MTUS1: variants seen among roughly 807,000 people sequenced by gnomAD.
MTUS1 encodes the protein microtubule associated scaffold protein 1.
In MTUS1, 109 loss-of-function variants were observed where a neutral mutation model predicts 120.8. That is an observed-to-expected ratio of 0.90 (90% CI 0.77 to 1.06). The LOEUF is 1.06. MTUS1 is among the 50% of genes least tolerant of loss of function. MTUS1 has a pLI of 0.00. For missense variants in MTUS1, 2,210 were observed against 1,486.3 expected (o/e 1.49, Z -8.01); for synonymous variants, 737 against 550.5 (o/e 1.34, Z -4.74).
At position 17,691,732 on chromosome 8, in the gene MTUS1, T is replaced by C. The variant is rs146265980; in HGVS notation, c.2624-7190A>G. Among the ~76,000 whole-genome samples the C allele has an allele frequency of 1.6e-3, 244 of 152,334 alleles. 5 individuals carry two copies. Among genetic ancestry groups the C allele is most frequent in the Admixed American group, 0.014 (207 of 15,300 alleles). ...TTTTTTTAATGGAAGCTTTCTAATATGGCTTCATTGACGTCTACATTTTGT... is the reference window on the plus strand; with the variant it reads ...TTTTTTTAATGGAAGCTTTCTAATACGGCTTCATTGACGTCTACATTTTGT... On this transcript the variant is annotated intron_variant, in intron 6 of 14. Transcript: ENST00000693296.
At chr8:17,679,491 A>T (rs1282826576) in intron 7 of MTUS1, among the ~76,000 whole-genome samples, 1 of 93,880 alleles carries the variant, frequency 1.1e-5, no homozygotes, top group African/African-American at 3.3e-5. Flanking sequence ...TTTTTATTTT[A>T]TTTATTTATT....
At chr8:17,685,217 G>GT (rs76630516) in intron 6 of MTUS1, among the ~76,000 whole-genome samples, 9,196 of 151,428 alleles carry the variant, frequency 0.061, 488 homozygotes, top group East Asian at 0.24. Context: ...GGCTTACACA[G>GT]TTTTTTTTTA....
chr8:17,734,089 C>G (rs2131196485), intron 3 of MTUS1: 1 of 152,218 alleles, frequency 6.6e-6, no homozygotes, highest in South Asian at 2.1e-4. Context: ...ATTATAAGAA[C>G]AAATGTGATG....
At chr8:17,790,314 C>T (rs1323516689) in intron 1 of MTUS1, among the ~76,000 whole-genome samples, 1 of 149,682 alleles carries the variant, frequency 6.7e-6, no homozygotes, top group Non-Finnish European at 1.5e-5. Flanking sequence ...AGCCATTGCA[C>T]TCCAGCCTGG....
intron 2 of MTUS1, among the ~76,000 whole-genome samples, chr8:17,750,713 A>C (rs1402075652): frequency 6.6e-6 from 1 of 152,202 alleles, no homozygotes; most frequent in Non-Finnish European, 1.5e-5. Flanking sequence ...ATTAAATGGC[A>C]TAATATAACT....
chr8:17,657,569 A>T (rs1397420113), intron 8 of MTUS1, among the ~76,000 whole-genome samples: 1 of 149,272 alleles, frequency 6.7e-6, no homozygotes, highest in East Asian at 1.9e-4. Flanking sequence ...CTCCGTCTCA[A>T]AAAAAAAAAG....
At chr8:17,668,414 T>C (rs1229940013) in intron 8 of MTUS1, among the ~76,000 whole-genome samples, 2 of 152,188 alleles carry the variant, frequency 1.3e-5, no homozygotes, top group African/African-American at 4.8e-5. Flanking sequence ...TGGCCCTCTA[T>C]TGCACCAGCT....
rs202148873 is a variant in MTUS1, at chr8:17,645,955, A to G, written c.3784T>C (p.Phe1262Leu). The G allele has an allele frequency of 1.7e-4, 276 of 1,612,490 alleles. No homozygotes were observed. Among genetic ancestry groups the G allele is most frequent in the Non-Finnish European group, 2.3e-4 (268 of 1,179,852 alleles). The change falls in exon 15 of 15, where the codon TTC (phenylalanine) becomes CTC (leucine). Residue 1262 changes from phenylalanine to leucine, a missense_variant. Transcript: ENST00000693296. ...CTGGGTGAAATGCTGGGGCTAGGGA[A>G]GGAGCCCGAATTCCTTGGTGACTGC... ...PLQSPRNSGS[F>L]PSPSISPR
At chr8:17,790,993 G>A (rs1321329434) in intron 1 of MTUS1, among the ~76,000 whole-genome samples, 1 of 152,038 alleles carries the variant, frequency 6.6e-6, no homozygotes, top group Non-Finnish European at 1.5e-5. Flanking sequence ...TGGGGGCGGG[G>A]AGAAGTTTTA....
intron 3 of MTUS1, among the ~76,000 whole-genome samples, chr8:17,737,614 A>C (rs1391052123): frequency 6.6e-6 from 1 of 152,192 alleles, no homozygotes; most frequent in Non-Finnish European, 1.5e-5. Flanking sequence ...CAGCCTCCTG[A>C]GTAGCAAGGA....
chr8:17,658,286 G>A (rs1411602530), intron 8 of MTUS1, among the ~76,000 whole-genome samples: 5 of 151,996 alleles, frequency 3.3e-5, no homozygotes, highest in Admixed American at 1.3e-4. Context: ...CGCCTGCCTC[G>A]GCCTCCCAGT....
chr8:17,723,702 G>C lies in MTUS1; in HGVS notation c.2419C>G (p.His807Asp), dbSNP rs2045997220. Residue 807 changes from histidine to aspartate, a missense_variant, in exon 4 of 15, where the codon CAC (histidine) becomes GAC (aspartate). Physicochemically the swap from His to Asp is moderately conservative, Grantham distance 81. Coordinates refer to ENST00000693296, the MANE Select transcript of MTUS1 (RefSeq NM_001363059.2). Reference protein sequence around the residue: ...TGSTPSIASTHSELSTYSNNS... With the variant: ...TGSTPSIASTDSELSTYSNNS... The stretch of plus-strand genomic sequence containing the variant: ...TTGCTGTAAGTGCTCAGCTCACTGT[G>C]GGTGCTGGCTATTGAGGGGGTGCTT... 1 of 1,610,874 alleles carries C rather than the reference G, an allele frequency of 6.2e-7. No homozygotes were observed. The highest frequency in any genetic ancestry group is 8.5e-7 in the Non-Finnish European group (1 of 1,177,910).
rs2048404437 is a variant in MTUS1, at chr8:17,754,095, A to T, written c.1713T>A (p.Ile571=). 1 of 1,613,834 alleles carries T rather than the reference A, an allele frequency of 6.2e-7. No individual in the cohort carries two copies. Among genetic ancestry groups the T allele is most frequent in the Admixed American group, 1.7e-5 (1 of 59,988 alleles). ...TAAACTGCTGCTTATGTGTCTTGTT[A>T]ATTAGAATTTCTGCTTTTTTGTCTG... ...LNADKKAEIL[I]NKTHKQQFNK... Residue 571 remains isoleucine, a synonymous_variant, in exon 2 of 15, where the codon ATT becomes ATA. Coordinates refer to ENST00000693296, the MANE Select transcript of MTUS1 (RefSeq NM_001363059.2).
chr8:17,654,532 T>C, intron 10 of MTUS1, 29 bp downstream of exon 10: 1 of 1,359,444 alleles, frequency 7.4e-7, no homozygotes, highest in Non-Finnish European at 1.1e-6. Context: ...GATTTTATTC[T>C]GTTTAAAGAG....
chr8:17,742,269 G>GTTTTTGT (rs1554516813), intron 3 of MTUS1, among the ~76,000 whole-genome samples: 2 of 94,900 alleles, frequency 2.1e-5, no homozygotes, highest in Non-Finnish European at 4.2e-5. Context: ...ATGCCCAGCT[G>GTTTTTGT]TTTTTTTTTT....
chr8:17,728,069 A>G (rs760485760), intron 3 of MTUS1, among the ~76,000 whole-genome samples: 8 of 152,236 alleles, frequency 5.3e-5, no homozygotes, highest in Non-Finnish European at 7.3e-5. Flanking sequence ...TAAGTGAACA[A>G]CAGGATAGTG....
intron 8 of MTUS1, among the ~76,000 whole-genome samples, chr8:17,662,561 G>T (rs1471659910): frequency 1.3e-5 from 2 of 151,770 alleles, no homozygotes; most frequent in Non-Finnish European, 2.9e-5. Context: ...TCACTATGTG[G>T]GTAAGACTGG....
chr8:17,799,843 T>C (rs1053760668), intron 1 of MTUS1, among the ~76,000 whole-genome samples: 1 of 152,334 alleles, frequency 6.6e-6, no homozygotes, highest in Non-Finnish European at 1.5e-5. Flanking sequence ...TTAAACTAAA[T>C]TCCACTTCTA....
intron 3 of MTUS1, among the ~76,000 whole-genome samples, chr8:17,739,543 G>T (rs2047166327): frequency 6.6e-6 from 1 of 152,028 alleles, no homozygotes; most frequent in African/African-American, 2.4e-5. Flanking sequence ...CAAAACTCAT[G>T]GCCATACTAA....
Sources: allele counts gnomAD v4.1 joint callset (sites outside exome capture counted in the v4.1 genomes callset), GRCh38; gene constraint gnomAD v4.1.1; transcripts MANE v1.5; gene names NCBI Gene and HGNC (gene_info 2026-07-23, HGNC 2026-07-21).